GABBR2: variants seen among roughly 807,000 people sequenced by gnomAD.
GABBR2 encodes the protein G-protein coupled receptor 51.
In GABBR2, 23 loss-of-function variants were observed where a neutral mutation model predicts 105.6. The ratio of observed to expected loss-of-function variants is 0.22; its 90% CI spans 0.16 to 0.31. The LOEUF (loss-of-function observed/expected upper bound fraction) is 0.31. GABBR2 is among the 10% of genes least tolerant of loss of function. The pLI is 1.00. For missense variants in GABBR2, 734 were observed against 1,245.5 expected (o/e 0.59, Z 6.18); for synonymous variants, 478 against 499.7 (o/e 0.96, Z 0.58).
intron 7 of GABBR2, among the ~76,000 whole-genome samples, chr9:98,423,076 G>C (rs1832812429): frequency 6.6e-6 from 1 of 152,178 alleles, no homozygotes. Flanking sequence ...AAACACACGT[G>C]TGCATGTGTC....
At chr9:98,662,194 AGCTG>A (rs918478101) in intron 1 of GABBR2, among the ~76,000 whole-genome samples, 5 of 152,184 alleles carry the variant, frequency 3.3e-5, no homozygotes, top group Admixed American at 3.3e-4. Flanking sequence ...GAGATTTTGG[AGCTG>A]GCAGTGAGAA....
At chr9:98,347,267 C>T (rs1326542490) in intron 13 of GABBR2, among the ~76,000 whole-genome samples, 10 of 152,154 alleles carry the variant, frequency 6.6e-5, no homozygotes, top group Admixed American at 5.2e-4. Flanking sequence ...TTGAAAATAG[C>T]CATTCTAACC....
rs540908154 is a variant in GABBR2, at chr9:98,414,236, G to A, written c.1237-8095C>T. ...CTAATTTAGACTGGAGGCCAAGGAG[G>A]GCCTTTCCAGGAAGGTGGCATTTGC... On this transcript the variant is annotated intron_variant, in intron 7 of 18. Coordinates refer to ENST00000259455, the MANE Select transcript of GABBR2 (RefSeq NM_005458.8). 8.5e-5 allele frequency among the ~76,000 whole-genome samples: 13 copies of A among 152,338 alleles called. No homozygotes were observed. In the South Asian group the frequency reaches 1.0e-3, roughly 12 times the overall value.
intron 7 of GABBR2, among the ~76,000 whole-genome samples, chr9:98,411,147 A>AT (rs199672523): frequency 3.3e-3 from 504 of 152,186 alleles, no homozygotes; most frequent in Admixed American, 6.6e-3. Context: ...ACTTATAAGG[A>AT]TTTTTTTTCC....
intron 2 of GABBR2, among the ~76,000 whole-genome samples, chr9:98,567,186 G>A (rs1346987719): frequency 1.3e-5 from 2 of 152,206 alleles, no homozygotes; most frequent in African/African-American, 4.8e-5. Context: ...GGTGAAAGAC[G>A]CATAAACAAT....
intron 4 of GABBR2, among the ~76,000 whole-genome samples, chr9:98,487,032 G>A (rs1480063476): frequency 6.6e-6 from 1 of 152,248 alleles, no homozygotes; most frequent in Non-Finnish European, 1.5e-5. Context: ...AGGGAGCGAA[G>A]AGGGAATAGC....
At chr9:98,350,706 T>C (rs752280581) in intron 13 of GABBR2, among the ~76,000 whole-genome samples, 10 of 152,224 alleles carry the variant, frequency 6.6e-5, no homozygotes, top group Non-Finnish European at 1.3e-4. Flanking sequence ...GAAAAACGTG[T>C]ATTCTGTAGC....
intron 13 of GABBR2, among the ~76,000 whole-genome samples, chr9:98,331,161 T>G (rs1335224355): frequency 1.3e-5 from 2 of 152,228 alleles, no homozygotes; most frequent in African/African-American, 2.4e-5. Flanking sequence ...AGATGAACAT[T>G]TGGGTTGTTT....
At chr9:98,510,924 C>G (rs1308941393) in intron 3 of GABBR2, among the ~76,000 whole-genome samples, 1 of 152,174 alleles carries the variant, frequency 6.6e-6, no homozygotes, top group African/African-American at 2.4e-5. Flanking sequence ...ATCTACAGAA[C>G]TCTCCACCCC....
chr9:98,532,447 G>A (rs971006905), intron 3 of GABBR2, among the ~76,000 whole-genome samples: 2 of 152,192 alleles, frequency 1.3e-5, no homozygotes, highest in Non-Finnish European at 2.9e-5. Context: ...AATCTGATCC[G>A]TCGGAGTCCC....
chr9:98,641,137 T>C (rs931967814), intron 1 of GABBR2, among the ~76,000 whole-genome samples: 17 of 150,472 alleles, frequency 1.1e-4, no homozygotes, highest in Non-Finnish European at 2.1e-4. Context: ...TGGTTTTTTT[T>C]TTTTTTTTCT....
intron 2 of GABBR2, among the ~76,000 whole-genome samples, chr9:98,568,994 TC>T (rs1828788104): frequency 6.6e-6 from 1 of 151,952 alleles, no homozygotes; most frequent in Non-Finnish European, 1.5e-5. Context: ...TAGCATCATT[TC>T]TCCTCTTCCC....
At chr9:98,340,827 T>C (rs758164226) in intron 13 of GABBR2, among the ~76,000 whole-genome samples, 28 of 152,238 alleles carry the variant, frequency 1.8e-4, no homozygotes, top group Admixed American at 2.0e-4. Flanking sequence ...CATGGATGTG[T>C]GGCATTGGGT....
At chr9:98,617,158 G>T (rs910816748) in intron 1 of GABBR2, among the ~76,000 whole-genome samples, 12 of 152,182 alleles carry the variant, frequency 7.9e-5, no homozygotes, top group Non-Finnish European at 1.6e-4. Flanking sequence ...TATGATGGAT[G>T]ATCACAAGTT....
chr9:98,449,259 G>T (rs1826191666), intron 7 of GABBR2, among the ~76,000 whole-genome samples: 1 of 152,198 alleles, frequency 6.6e-6, no homozygotes, highest in African/African-American at 2.4e-5. Flanking sequence ...CAGAGGCCTT[G>T]GGCAGACCTT....
At chr9:98,336,057 G>A (rs977562911) in intron 13 of GABBR2, among the ~76,000 whole-genome samples, 1 of 152,234 alleles carries the variant, frequency 6.6e-6, no homozygotes, top group African/African-American at 2.4e-5. Context: ...TGGAGAAACA[G>A]GGGAGGTGAG....
chr9:98,354,323 TAA>T (rs34634536), intron 13 of GABBR2, among the ~76,000 whole-genome samples: 1 of 152,220 alleles, frequency 6.6e-6, no homozygotes, highest in Admixed American at 6.5e-5. Flanking sequence ...GGCTTCAACT[TAA>T]AGTTACTACC....
At chr9:98,686,399 G>A in intron 1 of GABBR2, among the ~76,000 whole-genome samples, 1 of 147,520 alleles carries the variant, frequency 6.8e-6, no homozygotes, top group Non-Finnish European at 1.5e-5. Context: ...TGTTTTTTTT[G>A]TTTTGTTTTG....
intron 14 of GABBR2, among the ~76,000 whole-genome samples, chr9:98,307,832 A>G (rs952544311): frequency 1.3e-5 from 2 of 152,206 alleles, no homozygotes; most frequent in Middle Eastern, 3.2e-3. Context: ...TTTGTAATTG[A>G]TCTTATTTTA....
Sources: allele counts gnomAD v4.1 joint callset (sites outside exome capture counted in the v4.1 genomes callset), GRCh38; gene constraint gnomAD v4.1.1; transcripts MANE v1.5; gene names NCBI Gene and HGNC (gene_info 2026-07-23, HGNC 2026-07-21).